Variants in SIK3 observed in about 807,000 individuals in gnomAD.
SIK3 encodes serine/threonine-protein kinase SIK3.
A neutral mutation model predicts 144.2 loss-of-function variants in SIK3; 28 were observed. The ratio of observed to expected loss-of-function variants is 0.19; its 90% CI spans 0.14 to 0.27. The LOEUF is 0.27. SIK3 is among the 10% of genes least tolerant of loss of function. SIK3 has a pLI of 1.00. For synonymous variants in SIK3, 686 were observed against 676.3 expected (o/e 1.01, Z -0.22); for missense variants, 1,319 against 1,776.0 (o/e 0.74, Z 4.62).
chr11:116,870,437 A>G lies in SIK3; in HGVS notation c.1738-36T>C, dbSNP rs893931212. 8 of 1,611,906 alleles carry G rather than the reference A, an allele frequency of 5.0e-6. No homozygotes were observed. In the Admixed American group the frequency reaches 5.0e-5, roughly 10 times the overall value. On this transcript the variant is annotated intron_variant, in intron 13 of 24. Transcript: ENST00000445177. ...ACAGGAAGGAAAAGCTCAAGGTGGC[A>G]GCTTATTCTGTCATGCCTCTTACTC...
In SIK3 at chr11:116,927,305, T is replaced by A. The variant is rs748781609; in HGVS notation, c.530A>T (p.Tyr177Phe). The A allele has an allele frequency of 5.0e-6, 8 of 1,613,908 alleles. No homozygotes were observed. Among genetic ancestry groups the A allele is most frequent in the Non-Finnish European group, 6.8e-6 (8 of 1,179,954 alleles). ...RKFKQIVTAV[Y>F]FCHCRNIVHR... ...AACAATGTTCCGACAGTGACAAAAA[T>A]AGACAGCTGTGACGATCTGTTTGAA... The change falls in exon 4 of 25, where the codon TAT (tyrosine) becomes TTT (phenylalanine). Residue 177 changes from tyrosine to phenylalanine, a missense_variant. Physicochemically the swap from Tyr to Phe is conservative, Grantham distance 22. This residue lies in a region of SIK3 where 125 missense variants were observed against 285.2 expected (regional missense o/e 0.44). Coordinates refer to ENST00000445177, the MANE Select transcript of SIK3 (RefSeq NM_001366686.3).
chr11:116,950,656 T>C (rs1948890982), intron 3 of SIK3, among the ~76,000 whole-genome samples: 1 of 152,246 alleles, frequency 6.6e-6, no homozygotes, highest in Admixed American at 6.5e-5. Flanking sequence ...AGCCAAACTC[T>C]TCTGCTCAAC....
intron 1 of SIK3, among the ~76,000 whole-genome samples, chr11:117,059,353 ATG>A (rs1489585156): frequency 6.6e-6 from 1 of 152,240 alleles, no homozygotes; most frequent in East Asian, 1.9e-4. Flanking sequence ...ACTATAAAGA[ATG>A]TGTTTTTAAT....
At chr11:117,031,270 T>G (rs1952244126) in intron 1 of SIK3, among the ~76,000 whole-genome samples, 1 of 151,942 alleles carries the variant, frequency 6.6e-6, no homozygotes, top group Admixed American at 6.6e-5. Context: ...TTTCTAAAAT[T>G]TTTTTTAGTT....
intron 1 of SIK3, among the ~76,000 whole-genome samples, chr11:117,075,567 A>C (rs1263513092): frequency 7.0e-6 from 1 of 143,474 alleles, no homozygotes; most frequent in African/African-American, 2.7e-5. Flanking sequence ...TTTTTGAGGA[A>C]TCTCAGCTCT....
intron 14 of SIK3, 113 bp from the exon 15 acceptor site, chr11:116,868,202 G>A (rs1419544341): frequency 1.0e-5 from 14 of 1,364,388 alleles, no homozygotes; most frequent in Non-Finnish European, 1.4e-5. Context: ...CAGAGCTCAC[G>A]AAGGCTTGAT....
intron 21 of SIK3, among the ~76,000 whole-genome samples, chr11:116,855,083 CAA>C (rs528405922): frequency 7.7e-4 from 63 of 82,086 alleles, no homozygotes; most frequent in African/African-American, 4.2e-3. Flanking sequence ...GAGACTCTGC[CAA>C]AAAAAAAAAA....
At chr11:116,950,816 T>G (rs1948901806) in intron 3 of SIK3, among the ~76,000 whole-genome samples, 1 of 152,220 alleles carries the variant, frequency 6.6e-6, no homozygotes, top group South Asian at 2.1e-4. Context: ...GGACGGGAAT[T>G]TCCACCTTGC....
intron 1 of SIK3, among the ~76,000 whole-genome samples, chr11:117,017,181 C>T (rs1951575688): frequency 6.6e-6 from 1 of 152,156 alleles, no homozygotes; most frequent in Admixed American, 6.5e-5. Context: ...CACTTCAGGC[C>T]AGGAGGCCAA....
intron 3 of SIK3, among the ~76,000 whole-genome samples, chr11:116,941,725 A>C (rs1185627540): frequency 6.6e-6 from 1 of 152,184 alleles, no homozygotes; most frequent in African/African-American, 2.4e-5. Flanking sequence ...ACTCCTCTTA[A>C]ATTAGTAATT....
intron 4 of SIK3, among the ~76,000 whole-genome samples, chr11:116,918,713 T>C (rs1031897883): frequency 2.6e-5 from 4 of 152,188 alleles, no homozygotes; most frequent in African/African-American, 9.7e-5. Flanking sequence ...CGAGAAACCG[T>C]AGGCTAAATA....
chr11:116,959,321 G>GA (rs886690806), intron 1 of SIK3, among the ~76,000 whole-genome samples: 19 of 150,106 alleles, frequency 1.3e-4, no homozygotes, highest in East Asian at 3.9e-4. Flanking sequence ...TGTCTCAAAA[G>GA]AAAAAAAAAG....
At chr11:116,994,713 C>T (rs938260426) in intron 1 of SIK3, among the ~76,000 whole-genome samples, 2 of 152,164 alleles carry the variant, frequency 1.3e-5, no homozygotes. Flanking sequence ...TACAGAGCAC[C>T]AGGAATCTAC....
At chr11:116,908,811 CT>C (rs1946187227) in intron 4 of SIK3, among the ~76,000 whole-genome samples, 1 of 152,184 alleles carries the variant, frequency 6.6e-6, no homozygotes, top group Non-Finnish European at 1.5e-5. Flanking sequence ...ACTCTCACAC[CT>C]ACTGGAAACA....
chr11:116,898,030 T>C (rs1353385994), intron 4 of SIK3, among the ~76,000 whole-genome samples: 1 of 152,122 alleles, frequency 6.6e-6, no homozygotes, highest in Non-Finnish European at 1.5e-5. Context: ...ATGTGCAGGT[T>C]AGTTACATAT....
intron 6 of SIK3, among the ~76,000 whole-genome samples, chr11:116,889,517 T>C (rs1048294781): frequency 1.3e-5 from 2 of 152,188 alleles, no homozygotes; most frequent in Non-Finnish European, 2.9e-5. Context: ...CAGTGAGCTA[T>C]GGTCATACCA....
At chr11:116,876,472 T>C (rs1944261502) in intron 7 of SIK3, 109 bp from the exon 8 acceptor site, 17 of 908,994 alleles carry the variant, frequency 1.9e-5, no homozygotes, top group East Asian at 5.0e-5. Flanking sequence ...TGGGATATTT[T>C]TGGCCTCAGA....
intron 4 of SIK3, among the ~76,000 whole-genome samples, chr11:116,911,366 G>A (rs957628071): frequency 1.3e-5 from 2 of 152,086 alleles, no homozygotes; most frequent in African/African-American, 4.8e-5. Flanking sequence ...AATTAGCTGG[G>A]TGTGGTGGCA....
intron 1 of SIK3, among the ~76,000 whole-genome samples, chr11:116,995,568 C>CT (rs1475465262): frequency 1.3e-5 from 2 of 152,046 alleles, no homozygotes; most frequent in Non-Finnish European, 2.9e-5. Context: ...CCGGCTCACC[C>CT]TACTTCCTAC....
Sources: gnomAD v4.1 joint callset for allele counts (sites outside exome capture counted in the v4.1 genomes callset) on GRCh38, gnomAD v4.1.1 for gene constraint, gnomAD v4.1.1 regional missense constraint, MANE v1.5 for transcripts, NCBI Gene and HGNC (gene_info 2026-07-23, HGNC 2026-07-21) for gene names.